The following SPAG16 variants were observed in gnomAD, a reference collection of about 807,000 sequenced individuals.
The protein encoded by SPAG16 is sperm-associated antigen 16 protein.
Under a neutral mutation model 80.4 loss-of-function variants are expected in SPAG16, and 86 were observed. The ratio of observed to expected loss-of-function variants is 1.07; its 90% CI spans 0.90 to 1.28. The LOEUF (loss-of-function observed/expected upper bound fraction) is 1.28, where lower values mean the gene tolerates loss of function less well. Among genes scored for constraint, SPAG16 ranks in the 50% most tolerant of loss-of-function variants. SPAG16 has a pLI of 0.00. For synonymous variants in SPAG16, 294 were observed against 265.9 expected, an observed-to-expected ratio of 1.11 and a Z score of -1.03; for missense variants, 870 against 765.3, an observed-to-expected ratio of 1.14 and a Z score of -1.61.
At chr2:213,749,152 A>T (rs1325988057) in intron 10 of SPAG16, among the ~76,000 whole-genome samples, 3 of 152,172 alleles carry the variant, frequency 2.0e-5, no homozygotes, top group Non-Finnish European at 4.4e-5. Flanking sequence ...CAGAAAAACA[A>T]AAACAGAAAC....
At chr2:214,152,793 CA>C (rs1476294629) in intron 15 of SPAG16, among the ~76,000 whole-genome samples, 3 of 152,146 alleles carry the variant, frequency 2.0e-5, no homozygotes, top group South Asian at 2.1e-4. Context: ...GTCCACTGGA[CA>C]GGGGGCCCTT....
intron 10 of SPAG16, among the ~76,000 whole-genome samples, chr2:213,551,900 G>T (rs879934863): frequency 6.6e-6 from 1 of 152,110 alleles, no homozygotes; most frequent in Non-Finnish European, 1.5e-5. Context: ...AGTTTTTAGA[G>T]TCTCCCTTGA....
intron 15 of SPAG16, among the ~76,000 whole-genome samples, chr2:214,321,201 A>T (rs190893293): frequency 6.6e-6 from 1 of 152,362 alleles, no homozygotes; most frequent in East Asian, 1.9e-4. Flanking sequence ...GTTTGACAAG[A>T]GTATGATTAA....
chr2:214,228,928 TC>T (rs1170965616), intron 15 of SPAG16, among the ~76,000 whole-genome samples: 1 of 151,872 alleles, frequency 6.6e-6, no homozygotes, highest in Non-Finnish European at 1.5e-5. Context: ...AACATTTGTC[TC>T]CATTAACAAA....
At chr2:213,476,154 A>G (rs1402744367) in intron 9 of SPAG16, among the ~76,000 whole-genome samples, 1 of 152,238 alleles carries the variant, frequency 6.6e-6, no homozygotes, top group African/African-American at 2.4e-5. Flanking sequence ...TTTGGCTTGC[A>G]AAAACACTTG....
At chr2:214,101,398 C>A (rs780760946) in intron 13 of SPAG16, among the ~76,000 whole-genome samples, 1 of 152,014 alleles carries the variant, frequency 6.6e-6, no homozygotes, top group Non-Finnish European at 1.5e-5. Context: ...GATCTCTCAG[C>A]CATGACCTTG....
At chr2:214,110,150 ATT>A (rs1327498498) in intron 14 of SPAG16, among the ~76,000 whole-genome samples, 2 of 152,016 alleles carry the variant, frequency 1.3e-5, no homozygotes, top group African/African-American at 4.8e-5. Flanking sequence ...AATTTTTTTT[ATT>A]ATTATACTTT....
intron 15 of SPAG16, among the ~76,000 whole-genome samples, chr2:214,396,530 A>G (rs1701392543): frequency 6.6e-6 from 1 of 152,170 alleles, no homozygotes; most frequent in South Asian, 2.1e-4. Flanking sequence ...GAAGAAAATA[A>G]TCTAATAAGC....
chr2:213,612,176 C>T (rs1460072749), intron 10 of SPAG16, among the ~76,000 whole-genome samples: 1 of 151,986 alleles, frequency 6.6e-6, no homozygotes, highest in African/African-American at 2.4e-5. Flanking sequence ...AATGTTATGT[C>T]TCTTATCTTT....
At chr2:214,095,642 A>C (rs1018628822) in intron 13 of SPAG16, among the ~76,000 whole-genome samples, 3 of 152,070 alleles carry the variant, frequency 2.0e-5, no homozygotes, top group Admixed American at 6.6e-5. Context: ...TTAAAAATTC[A>C]TGTATTATAG....
intron 4 of SPAG16, among the ~76,000 whole-genome samples, chr2:213,313,943 A>G (rs2126126723): frequency 6.6e-6 from 1 of 151,962 alleles, no homozygotes; most frequent in African/African-American, 2.4e-5. Context: ...TAGGCTTCGT[A>G]TAAGGAGATT....
At chr2:213,675,654 A>G (rs957185212) in intron 10 of SPAG16, among the ~76,000 whole-genome samples, 31 of 152,204 alleles carry the variant, frequency 2.0e-4, no homozygotes, top group Non-Finnish European at 3.2e-4. Flanking sequence ...TCCTTTCCCC[A>G]ATACTTGTTT....
intron 10 of SPAG16, among the ~76,000 whole-genome samples, chr2:213,626,084 A>G (rs1259772058): frequency 6.6e-6 from 1 of 152,078 alleles, no homozygotes; most frequent in African/African-American, 2.4e-5. Context: ...GTCAAATTTC[A>G]TATTTTGTTG....
intron 15 of SPAG16, among the ~76,000 whole-genome samples, chr2:214,406,629 T>G (rs2126156077): frequency 6.6e-6 from 1 of 152,268 alleles, no homozygotes; most frequent in African/African-American, 2.4e-5. Flanking sequence ...TTAAGAAAGT[T>G]ATAAATTTAT....
chr2:213,531,455 G>A (rs2076065579), intron 10 of SPAG16, among the ~76,000 whole-genome samples: 1 of 151,488 alleles, frequency 6.6e-6, no homozygotes, highest in African/African-American at 2.4e-5. Flanking sequence ...TTTAGCAATA[G>A]AGGAGAGAGA....
At chr2:213,328,520 T>C (rs1276416688) in intron 5 of SPAG16, among the ~76,000 whole-genome samples, 1 of 152,200 alleles carries the variant, frequency 6.6e-6, no homozygotes, top group Non-Finnish European at 1.5e-5. Context: ...TTTACTTAAA[T>C]TCTCTCCTCC....
chr2:213,943,743 G>A (rs2079315802), intron 12 of SPAG16, among the ~76,000 whole-genome samples: 1 of 152,158 alleles, frequency 6.6e-6, no homozygotes, highest in Non-Finnish European at 1.5e-5. Context: ...AAAACTTAGA[G>A]ATTTGGAAAA....
chr2:214,245,033 G>A (rs1197880236), intron 15 of SPAG16, among the ~76,000 whole-genome samples: 1 of 152,050 alleles, frequency 6.6e-6, no homozygotes, highest in Non-Finnish European at 1.5e-5. Context: ...ATTGGTTGCT[G>A]TTCTCATGTT....
intron 15 of SPAG16, among the ~76,000 whole-genome samples, chr2:214,361,503 A>C (rs1559242858): frequency 6.6e-6 from 1 of 151,868 alleles, no homozygotes; most frequent in Non-Finnish European, 1.5e-5. Context: ...ATCACTCCTT[A>C]ACCTAACCTT....
Sources: allele counts gnomAD v4.1 joint callset (sites outside exome capture counted in the v4.1 genomes callset), GRCh38; gene constraint gnomAD v4.1.1; transcripts MANE v1.5; gene names NCBI Gene and HGNC (gene_info 2026-07-23, HGNC 2026-07-21).